The following DCC variants were observed in gnomAD, a reference collection of about 807,000 sequenced individuals.
DCC encodes DCC netrin 1 receptor.
DCC carries 58 observed loss-of-function variants against 172.5 expected under a neutral mutation model. That is an observed-to-expected ratio of 0.34 (90% CI 0.27 to 0.42). The LOEUF (loss-of-function observed/expected upper bound fraction) is 0.42, where lower values mean the gene tolerates loss of function less well. Ranked by LOEUF, DCC falls within the 10% of genes least tolerant of loss-of-function variation. The pLI, the probability that DCC is intolerant of heterozygous loss-of-function variation, is 1.00. For synonymous variants in DCC, 709 were observed against 644.5 expected, an observed-to-expected ratio of 1.10 and a Z score of -1.52; for missense variants, 1,740 against 1,791.0, an observed-to-expected ratio of 0.97 and a Z score of 0.51.
At chr18:52,963,784 G>C (rs1402838205) in intron 5 of DCC, among the ~76,000 whole-genome samples, 1 of 151,366 alleles carries the variant, frequency 6.6e-6, no homozygotes, top group Admixed American at 6.6e-5. Flanking sequence ...TATATTATCT[G>C]GCATACCTTG....
At chr18:53,065,402 A>C (rs1044297483) in intron 6 of DCC, among the ~76,000 whole-genome samples, 1 of 152,158 alleles carries the variant, frequency 6.6e-6, no homozygotes, top group Non-Finnish European at 1.5e-5. Flanking sequence ...TCAATTTCTA[A>C]ATAAAAGGAG....
intron 25 of DCC, among the ~76,000 whole-genome samples, chr18:53,483,103 A>T (rs1464405980): frequency 6.6e-6 from 1 of 151,968 alleles, no homozygotes; most frequent in East Asian, 1.9e-4. Flanking sequence ...ACACAAAGAC[A>T]ACAAAATTAT....
At chr18:52,989,025 A>T (rs1460485972) in intron 5 of DCC, among the ~76,000 whole-genome samples, 1 of 152,114 alleles carries the variant, frequency 6.6e-6, no homozygotes, top group Non-Finnish European at 1.5e-5. Context: ...AACAGAGAAC[A>T]TCCCTTCTAT....
chr18:53,487,177 C>G (rs1003486681), intron 26 of DCC, among the ~76,000 whole-genome samples: 3 of 152,104 alleles, frequency 2.0e-5, no homozygotes, highest in Non-Finnish European at 4.4e-5. Context: ...ACTGACAATA[C>G]AAGGGGAAGT....
chr18:53,133,484 A>G (rs2144326333), intron 7 of DCC, among the ~76,000 whole-genome samples: 1 of 152,258 alleles, frequency 6.6e-6, no homozygotes, highest in Admixed American at 6.5e-5. Context: ...CTTTGCCCTG[A>G]GATACTTTCC....
chr18:53,132,471 C>T (rs2043672927), intron 7 of DCC, among the ~76,000 whole-genome samples: 1 of 152,124 alleles, frequency 6.6e-6, no homozygotes, highest in Non-Finnish European at 1.5e-5. Context: ...TTCCCCTTTC[C>T]ATTCTGATCC....
intron 15 of DCC, among the ~76,000 whole-genome samples, chr18:53,350,082 AAC>A (rs2057772107): frequency 2.0e-5 from 3 of 152,336 alleles, no homozygotes; most frequent in African/African-American, 7.2e-5. Context: ...TCAGAAAAAA[AAC>A]AGATTATATA....
intron 1 of DCC, among the ~76,000 whole-genome samples, chr18:52,518,837 C>T (rs1253766218): frequency 2.0e-5 from 3 of 152,132 alleles, no homozygotes; most frequent in Non-Finnish European, 2.9e-5. Flanking sequence ...TTTGCTTTTA[C>T]GAAAATATCT....
chr18:52,460,872 T>C (rs1988608307), intron 1 of DCC, among the ~76,000 whole-genome samples: 1 of 152,220 alleles, frequency 6.6e-6, no homozygotes, highest in Non-Finnish European at 1.5e-5. Flanking sequence ...CAGTGAGTGG[T>C]AAATGAATAT....
At chr18:52,493,013 G>T (rs2030582477) in intron 1 of DCC, among the ~76,000 whole-genome samples, 1 of 152,108 alleles carries the variant, frequency 6.6e-6, no homozygotes, top group South Asian at 2.1e-4. Flanking sequence ...TGCAGAGCAT[G>T]CAGAAGAGGG....
Position 53,179,119 on chromosome 18 carries a change from G to A in DCC, c.1573+3G>A, listed in dbSNP as rs1248797454. On this transcript the variant is annotated splice_donor_region_variant and intron_variant, in intron 9 of 28. Transcript: ENST00000442544. ...CAAGGTGGCCACACAGCCTGAGTGT[G>A]AGTATGAAAAGGAACGGGCCACATT... The A allele has an allele frequency of 6.2e-7, 1 of 1,613,520 alleles. No homozygotes were observed. The highest frequency in any genetic ancestry group is 8.5e-7 in the Non-Finnish European group (1 of 1,179,632).
At chr18:52,834,359 C>T (rs1332500592) in intron 2 of DCC, among the ~76,000 whole-genome samples, 1 of 152,180 alleles carries the variant, frequency 6.6e-6, no homozygotes, top group Non-Finnish European at 1.5e-5. Flanking sequence ...GAAACCTTAG[C>T]ATTGTTTGGG....
intron 2 of DCC, among the ~76,000 whole-genome samples, chr18:52,815,393 C>A (rs8096023): frequency 0.21 from 29,385 of 143,196 alleles, 3,033 homozygotes; most frequent in Middle Eastern, 0.35. Flanking sequence ...CGCTCACTTG[C>A]GCTTGCCTTC....
chr18:53,478,245 G>T lies in DCC; in HGVS notation c.3737-8552G>T, dbSNP rs2045789980. ...TATCCTGACTCAAGTAATCTTTCATGCAGGCTATTTCCAAGAAGTGGGGTG... is the reference window on the plus strand; with the variant it reads ...TATCCTGACTCAAGTAATCTTTCATTCAGGCTATTTCCAAGAAGTGGGGTG... On this transcript the variant is annotated intron_variant, in intron 25 of 28. Transcript: ENST00000442544. 2.6e-5 allele frequency among the ~76,000 whole-genome samples: 4 copies of T among 152,318 alleles called. No individual in the cohort carries two copies. In the South Asian group the frequency reaches 8.3e-4, roughly 32 times the overall value.
chr18:53,301,749 A>G (rs1266654766), intron 12 of DCC, among the ~76,000 whole-genome samples: 1 of 152,144 alleles, frequency 6.6e-6, no homozygotes, highest in East Asian at 1.9e-4. Context: ...TGGTGCTGAC[A>G]CACTTCCATC....
chr18:52,359,068 T>C (rs913863319), intron 1 of DCC, among the ~76,000 whole-genome samples: 5 of 152,218 alleles, frequency 3.3e-5, no homozygotes, highest in Non-Finnish European at 7.3e-5. Context: ...AGAGAAGGGC[T>C]GATCTGGGGA....
chr18:53,051,460 T>C (rs2042333444), intron 5 of DCC, among the ~76,000 whole-genome samples: 1 of 152,136 alleles, frequency 6.6e-6, no homozygotes, highest in South Asian at 2.1e-4. Flanking sequence ...TTTCTATATA[T>C]AACCATATTC....
intron 1 of DCC, among the ~76,000 whole-genome samples, chr18:52,535,709 C>T (rs2032269301): frequency 6.6e-6 from 1 of 152,092 alleles, no homozygotes; most frequent in Non-Finnish European, 1.5e-5. Context: ...ATACAAAAGC[C>T]ATTCTATTTG....
chr18:53,394,824 TCGTCTC>T (rs1441404548), intron 17 of DCC, among the ~76,000 whole-genome samples: 6 of 152,158 alleles, frequency 3.9e-5, no homozygotes, highest in Non-Finnish European at 8.8e-5. Context: ...AGTGCTATGG[TCGTCTC>T]CATTTTACAC....
Sources: allele counts gnomAD v4.1 joint callset (sites outside exome capture counted in the v4.1 genomes callset), GRCh38; gene constraint gnomAD v4.1.1; transcripts MANE v1.5; gene names NCBI Gene and HGNC (gene_info 2026-07-23, HGNC 2026-07-21).